VPS13A: variants seen among roughly 807,000 people sequenced by gnomAD.
VPS13A encodes the protein vacuolar protein sorting 13 homolog A, also known as intermembrane lipid transfer protein VPS13A.
In VPS13A, 264 loss-of-function variants were observed where a neutral mutation model predicts 390.9. That is an observed-to-expected ratio of 0.68 (90% CI 0.61 to 0.75). VPS13A has a LOEUF of 0.75. Ranked by LOEUF, VPS13A falls within the 30% of genes least tolerant of loss-of-function variation. The pLI is 0.00. For synonymous variants in VPS13A, 1,231 were observed against 1,227.1 expected, an observed-to-expected ratio of 1.00 and a Z score of -0.07; for missense variants, 3,409 against 3,733.9, an observed-to-expected ratio of 0.91 and a Z score of 2.27.
At chr9:77,214,513 T>A (rs1822744445) in intron 10 of VPS13A, 127 bp downstream of exon 10, 1 of 655,962 alleles carries the variant, frequency 1.5e-6, no homozygotes, top group Non-Finnish European at 2.6e-6. Context: ...GTATTTATAA[T>A]GTATATACAA....
chr9:77,355,844 T>C (rs1385915809), intron 54 of VPS13A, among the ~76,000 whole-genome samples: 1 of 152,220 alleles, frequency 6.6e-6, no homozygotes, highest in Non-Finnish European at 1.5e-5. Flanking sequence ...ACCACTTTTC[T>C]AGTATCTCAC....
chr9:77,221,901 A>G (rs73466013), intron 13 of VPS13A, among the ~76,000 whole-genome samples: 2,732 of 152,222 alleles, frequency 0.018, 54 homozygotes, highest in African/African-American at 0.049. Context: ...TTTTCTGCTT[A>G]TACAGAGCCC....
At position 77,283,358 on chromosome 9, in the gene VPS13A, T is replaced by C; in HGVS notation, c.3122T>C (p.Leu1041Ser). The stretch of plus-strand genomic sequence containing the variant: ...TAATATGAATTTTTTTTTGCAGCTT[T>C]AAAACTATCCACAAATGAAGATATC... ...DKGDVIKKLALKLSTNEDIIT... is the reference protein window; with the variant it reads ...DKGDVIKKLASKLSTNEDIIT... Residue 1041 changes from leucine (L) to serine (S), a missense_variant, in exon 30 of 72, where the codon TTA becomes TCA. Leu to Ser is a moderately radical substitution (Grantham distance 145). Around this residue, in one of 5 missense-constraint regions of VPS13A, gnomAD observed 2,717 missense variants for 2,917.4 expected, o/e 0.93. Coordinates refer to ENST00000360280, the MANE Select transcript of VPS13A (RefSeq NM_033305.3). 3 of 1,582,882 alleles carry C rather than the reference T, an allele frequency of 1.9e-6. No homozygotes were observed. Among genetic ancestry groups the C allele is most frequent in the Non-Finnish European group, 2.6e-6 (3 of 1,153,656 alleles).
intron 21 of VPS13A, among the ~76,000 whole-genome samples, 173 bp downstream of exon 21, chr9:77,250,402 G>C (rs1187448440): frequency 6.6e-6 from 1 of 152,166 alleles, no homozygotes; most frequent in Non-Finnish European, 1.5e-5. Flanking sequence ...GCCCCCCCAA[G>C]AGACATTTGT....
intron 68 of VPS13A, among the ~76,000 whole-genome samples, chr9:77,391,888 C>T (rs973726166): frequency 7.9e-5 from 12 of 152,070 alleles, no homozygotes; most frequent in Non-Finnish European, 1.6e-4. Flanking sequence ...TTCATTTGTT[C>T]TACAAACAAA....
At chr9:77,320,336 G>C (rs1399025349) in intron 42 of VPS13A, among the ~76,000 whole-genome samples, 1 of 152,066 alleles carries the variant, frequency 6.6e-6, no homozygotes, top group Non-Finnish European at 1.5e-5. Context: ...TGTCTATCCT[G>C]AGTTTCCTTC....
In VPS13A at chr9:77,382,323, G is replaced by A. The variant is rs746094021; in HGVS notation, c.9189+236G>A. On this transcript the variant is annotated intron_variant, in intron 68 of 71. Transcript: ENST00000360280. ...GAAAAGTTAATGCATGACTTTGCAA[G>A]TGAAAGCCAACAGTAGATTTTAGTC... The A allele has an allele frequency of 2.6e-6, 4 of 1,542,254 alleles. No homozygotes were observed. In the South Asian group the frequency reaches 3.9e-5, roughly 15 times the overall value.
chr9:77,195,093 T>C (rs2131087581), intron 1 of VPS13A, among the ~76,000 whole-genome samples: 1 of 152,284 alleles, frequency 6.6e-6, no homozygotes, highest in African/African-American at 2.4e-5. Context: ...CTAAGTTTTA[T>C]AGTTTTCAGT....
At chr9:77,331,327 T>A (rs1653135359) in intron 45 of VPS13A, among the ~76,000 whole-genome samples, 1 of 152,092 alleles carries the variant, frequency 6.6e-6, no homozygotes, top group Admixed American at 6.6e-5. Flanking sequence ...CAATTTACAT[T>A]CTACCAGTAG....
chr9:77,214,752 C>G (rs185060789), intron 10 of VPS13A, among the ~76,000 whole-genome samples: 1 of 151,988 alleles, frequency 6.6e-6, no homozygotes, highest in East Asian at 1.9e-4. Context: ...AGTAAGATCA[C>G]GCTGCATTTA....
rs373170406 is a variant in VPS13A, at chr9:77,340,161, G to A, written c.6775-17G>A. Reference sequence around the variant, plus strand: ...AGGTACCTAAATTGTGATGTATTTGGAATATTTTTTTCCTAGGTTCAACTT... The same window carrying A: ...AGGTACCTAAATTGTGATGTATTTGAAATATTTTTTTCCTAGGTTCAACTT... On this transcript the variant is annotated splice_polypyrimidine_tract_variant and intron_variant, in intron 48 of 71. Coordinates refer to ENST00000360280, the MANE Select transcript of VPS13A (RefSeq NM_033305.3). 7.0e-5 allele frequency: 112 copies of A among 1,604,112 alleles called. No homozygotes were observed. In the African/African-American group the frequency reaches 1.3e-3, roughly 19 times the overall value.
In VPS13A at chr9:77,353,377, G is replaced by GGT. The variant is rs1831575953; in HGVS notation, c.7420-32_7420-31insGT. 6.3e-6 allele frequency: 8 copies of GGT among 1,276,008 alleles called. No individual in the cohort carries two copies. The East Asian group carries it at 2.0e-4, about 32-fold the overall frequency. The allele number at this position is 1,276,008 out of a possible 1,614,324, so 79.0% of individuals were successfully genotyped here. A position where few individuals can be genotyped will look rare whatever the true frequency, so the allele number is the denominator to read the frequency against. ...TTTGGGACCAAATTCTAATTTTTTG[G>GGT]TTTTTTTTTTTTTTTGGTGGTTTTA... On this transcript the variant is annotated intron_variant, in intron 53 of 71. Transcript: ENST00000360280.
chr9:77,354,054 T>A (rs1347948022), intron 54 of VPS13A, among the ~76,000 whole-genome samples: 3 of 152,102 alleles, frequency 2.0e-5, no homozygotes, highest in African/African-American at 7.2e-5. Flanking sequence ...TAAGATCTAA[T>A]AAGGTGATCA....
intron 17 of VPS13A, 145 bp from the exon 18 acceptor site, chr9:77,237,857 A>C: frequency 1.6e-6 from 1 of 630,008 alleles, no homozygotes; most frequent in Non-Finnish European, 2.8e-6. Flanking sequence ...TAGAGGAATC[A>C]TTGTATGTCT....
At chr9:77,315,137 C>A in intron 37 of VPS13A, 116 bp from the exon 38 acceptor site, 1 of 926,484 alleles carries the variant, frequency 1.1e-6, no homozygotes, top group Non-Finnish European at 1.7e-6. Flanking sequence ...AGAGACATGA[C>A]TTCAGAATGC....
rs570917162 is a variant in VPS13A, at chr9:77,292,247, T to G, written c.3340-1094T>G. On this transcript the variant is annotated intron_variant, in intron 31 of 71. Coordinates refer to ENST00000360280, the MANE Select transcript of VPS13A (RefSeq NM_033305.3). ...CTCTCAGGGATTCTGCATCTCACATTAGTCCACACTTATCCTTTATCATTT... is the reference window on the plus strand; with the variant it reads ...CTCTCAGGGATTCTGCATCTCACATGAGTCCACACTTATCCTTTATCATTT... 3.3e-5 allele frequency among the ~76,000 whole-genome samples: 5 copies of G among 152,260 alleles called. No individual in the cohort carries two copies. In the South Asian group the frequency reaches 1.0e-3, roughly 32 times the overall value.
Position 77,260,214 on chromosome 9 carries a change from A to G in VPS13A, c.2417A>G (p.Lys806Arg). Reference protein sequence around the residue: ...EPVTEVSAPVKSFQIQTSTSL... With the variant: ...EPVTEVSAPVRSFQIQTSTSL... Reference sequence around the variant, plus strand: ...GTAACTGAAGTATCTGCCCCTGTCAAATCATTCCAGGTAATGTTACTTTCA... The same window carrying G: ...GTAACTGAAGTATCTGCCCCTGTCAGATCATTCCAGGTAATGTTACTTTCA... Residue 806 changes from lysine (K) to arginine (R), a missense_variant, in exon 23 of 72, where the codon AAA becomes AGA. Physicochemically the swap from Lys to Arg is conservative, Grantham distance 26. Coordinates refer to ENST00000360280, the MANE Select transcript of VPS13A (RefSeq NM_033305.3). 1 of 1,613,350 alleles carries G rather than the reference A, an allele frequency of 6.2e-7. No individual in the cohort carries two copies. Among genetic ancestry groups the G allele is most frequent in the Non-Finnish European group, 8.5e-7 (1 of 1,179,646 alleles).
At chr9:77,254,475 G>A (rs189144962) in intron 22 of VPS13A, among the ~76,000 whole-genome samples, 51 of 152,244 alleles carry the variant, frequency 3.3e-4, no homozygotes, top group African/African-American at 1.2e-3. Flanking sequence ...GGAGATGTGA[G>A]TTATTTAACT....
intron 13 of VPS13A, 125 bp downstream of exon 13, chr9:77,221,481 C>CT: frequency 9.8e-7 from 1 of 1,019,652 alleles, no homozygotes; most frequent in Non-Finnish European, 1.4e-6. Flanking sequence ...TTTACTTAGA[C>CT]TTTTTTGTGC....
Sources: gnomAD v4.1 joint callset for allele counts (sites outside exome capture counted in the v4.1 genomes callset) on GRCh38, gnomAD v4.1.1 for gene constraint, gnomAD v4.1.1 regional missense constraint, MANE v1.5 for transcripts, NCBI Gene and HGNC (gene_info 2026-07-23, HGNC 2026-07-21) for gene names.